Variants in VEZT observed in about 807,000 individuals in gnomAD.
VEZT encodes vezatin.
Under a neutral mutation model 79.9 loss-of-function variants are expected in VEZT, and 39 were observed. That is an observed-to-expected ratio of 0.49 (90% CI 0.38 to 0.64). The LOEUF (loss-of-function observed/expected upper bound fraction) is 0.64. Among genes scored for constraint, VEZT ranks in the 30% least tolerant of loss-of-function variants. The pLI is 0.00. For synonymous variants in VEZT, 325 were observed against 327.6 expected (o/e 0.99, Z 0.09); for missense variants, 837 against 893.1 (o/e 0.94, Z 0.80).
rs149960276 is a variant in VEZT, at chr12:95,286,291, C to T, written c.1329-1373C>T. 7.3e-3 allele frequency: 2,641 copies of T among 361,346 alleles called. 21 individuals are homozygous for T. The highest frequency in any genetic ancestry group is 0.017 in the Middle Eastern group (17 of 1,006). 22.4% of individuals were successfully genotyped at this position (361,346 alleles called of 1,614,324 possible). Reference sequence around the variant, plus strand: ...ACAGGTGTGAGCCACCGTGCCTGACCGCAAATTTTACATGTATGTATGTAT... The same window carrying T: ...ACAGGTGTGAGCCACCGTGCCTGACTGCAAATTTTACATGTATGTATGTAT... On this transcript the variant is annotated intron_variant, in intron 8 of 11. Coordinates refer to ENST00000436874, the MANE Select transcript of VEZT (RefSeq NM_017599.4).
chr12:95,296,213 G>A lies in VEZT; in HGVS notation c.1786G>A (p.Glu596Lys). ...LKSVLGFKAS[E>K]AERQKWKQLL... is the part of the protein sequence containing the mutation. ...ATCTGTGCTGGGATTTAAAGCTTCA[G>A]AGGCAGAAAGGCAGAAGTGGAAGCA... is the stretch of plus-strand genomic sequence containing the variant. The change falls in exon 11 of 12, where the codon GAG (glutamate) becomes AAG (lysine). Residue 596 changes from glutamate (E) to lysine (K), a missense_variant. By Grantham distance (56) the Glu-to-Lys change is moderately conservative. Coordinates refer to ENST00000436874, the MANE Select transcript of VEZT (RefSeq NM_017599.4). The A allele has an allele frequency of 6.3e-7, 1 of 1,588,706 alleles. No homozygotes were observed.
At position 95,225,778 on chromosome 12, in the gene VEZT, AAAAAAAAAAAAAAAAG is replaced by A. The variant is rs1420685247; in HGVS notation, c.36+7894_36+7909del. The stretch of plus-strand genomic sequence containing the variant: ...TTTCATAGCAAAAAAAAAAAAAAAA[AAAAAAAAAAAAAAAAG>A]AGAGAGAAGGATGGAGGGAAGAGAA... On this transcript the variant is annotated intron_variant, in intron 1 of 11. Coordinates refer to ENST00000436874, the MANE Select transcript of VEZT (RefSeq NM_017599.4). Among the ~76,000 whole-genome samples the A allele has an allele frequency of 2.6e-4, 38 of 145,342 alleles. 1 individual carries two copies. Among genetic ancestry groups the A allele is most frequent in the African/African-American group, 6.5e-4 (26 of 39,750 alleles).
intron 1 of VEZT, among the ~76,000 whole-genome samples, chr12:95,235,564 G>A (rs1458623078): frequency 5.0e-5 from 7 of 141,002 alleles, no homozygotes; most frequent in African/African-American, 7.9e-5. Flanking sequence ...CCTCCCTCCC[G>A]GACGGGGCGG....
At chr12:95,235,987 C>G (rs141858375) in intron 1 of VEZT, among the ~76,000 whole-genome samples, 1 of 151,646 alleles carries the variant, frequency 6.6e-6, no homozygotes, top group Non-Finnish European at 1.5e-5. Flanking sequence ...GGATGGCAGC[C>G]GGGCAGAGAC....
intron 7 of VEZT, among the ~76,000 whole-genome samples, chr12:95,280,756 T>G (rs2068880339): frequency 1.3e-5 from 2 of 152,154 alleles, no homozygotes; most frequent in African/African-American, 4.8e-5. Context: ...CCTAGAACAG[T>G]GCCTGGCACA....
At chr12:95,272,623 A>C (rs2138860481) in intron 6 of VEZT, among the ~76,000 whole-genome samples, 1 of 152,380 alleles carries the variant, frequency 6.6e-6, no homozygotes, top group East Asian at 1.9e-4. Context: ...GCCTGATCAA[A>C]GTAAAGAGCA....
At chr12:95,268,541 G>A (rs118006310) in intron 5 of VEZT, among the ~76,000 whole-genome samples, 6 of 152,222 alleles carry the variant, frequency 3.9e-5, no homozygotes, top group Admixed American at 3.3e-4. Flanking sequence ...TTTATTGAGA[G>A]GACTTACTGG....
intron 1 of VEZT, among the ~76,000 whole-genome samples, chr12:95,239,655 G>C (rs1329549943): frequency 5.9e-5 from 9 of 151,492 alleles, no homozygotes. Context: ...CAGACAGACA[G>C]AATAAGTGAC....
chr12:95,226,350 A>G (rs1593027347), intron 1 of VEZT, among the ~76,000 whole-genome samples: 1 of 151,894 alleles, frequency 6.6e-6, no homozygotes, highest in South Asian at 2.1e-4. Flanking sequence ...AATTTACCAT[A>G]TCTATCTTAG....
At chr12:95,290,813 T>C (rs547435918) in intron 9 of VEZT, 2 of 152,134 alleles carry the variant, frequency 1.3e-5, no homozygotes, top group Non-Finnish European at 2.9e-5. Flanking sequence ...AGAATTTATA[T>C]AAATATGTAT....
chr12:95,259,191 GT>G (rs71078691), intron 3 of VEZT, among the ~76,000 whole-genome samples: 4 of 147,626 alleles, frequency 2.7e-5, no homozygotes, highest in African/African-American at 5.0e-5. Flanking sequence ...AATACTTTCT[GT>G]TTTTTTTTTC....
intron 1 of VEZT, among the ~76,000 whole-genome samples, chr12:95,248,364 T>C (rs1396903146): frequency 6.6e-6 from 1 of 152,234 alleles, no homozygotes; most frequent in African/African-American, 2.4e-5. Context: ...AAATAGCAAG[T>C]GTTCCAGATT....
At chr12:95,241,695 A>T (rs991926603) in intron 1 of VEZT, among the ~76,000 whole-genome samples, 6 of 152,146 alleles carry the variant, frequency 3.9e-5, no homozygotes, top group African/African-American at 1.4e-4. Context: ...TACTTTGAGA[A>T]CCACTGCTTT....
At chr12:95,266,135 AG>A (rs1423526647) in intron 4 of VEZT, among the ~76,000 whole-genome samples, 1 of 152,190 alleles carries the variant, frequency 6.6e-6, no homozygotes, top group African/African-American at 2.4e-5. Flanking sequence ...TTATCAGCTC[AG>A]ATGTTAATAC....
At chr12:95,296,344 A>G in intron 11 of VEZT, 86 bp downstream of exon 11, 1 of 1,346,886 alleles carries the variant, frequency 7.4e-7, no homozygotes. Flanking sequence ...TAGCTGAAGA[A>G]TTCTTGGGGT....
chr12:95,237,833 A>C (rs1366122920), intron 1 of VEZT, among the ~76,000 whole-genome samples: 2 of 152,188 alleles, frequency 1.3e-5, no homozygotes, highest in East Asian at 3.8e-4. Context: ...GCTCTCCCTG[A>C]AGGATGAATA....
chr12:95,285,431 G>A (rs1384157831), intron 8 of VEZT, among the ~76,000 whole-genome samples: 2 of 152,046 alleles, frequency 1.3e-5, no homozygotes, highest in Non-Finnish European at 2.9e-5. Context: ...GTGACAGAGT[G>A]AGACCCTGTC....
chr12:95,282,806 T>A (rs1239698421), intron 8 of VEZT, among the ~76,000 whole-genome samples, 162 bp downstream of exon 8: 4 of 148,774 alleles, frequency 2.7e-5, no homozygotes, highest in East Asian at 2.0e-4. Context: ...AAAAAAAAAA[T>A]AATTTATAAG....
At chr12:95,257,334 G>A (rs752334403) in intron 3 of VEZT, 95 bp downstream of exon 3, 4 of 986,392 alleles carry the variant, frequency 4.1e-6, no homozygotes, top group Non-Finnish European at 6.0e-6. Context: ...AATTTGGCCA[G>A]CAATTGATTT....
Sources: gnomAD v4.1 joint callset for allele counts (sites outside exome capture counted in the v4.1 genomes callset) on GRCh38, gnomAD v4.1.1 for gene constraint, MANE v1.5 for transcripts, NCBI Gene and HGNC (gene_info 2026-07-23, HGNC 2026-07-21) for gene names.